The following NALF1 variants were observed in gnomAD, a reference collection of about 807,000 sequenced individuals.
The protein encoded by NALF1 is family with sequence similarity 155 member A.
In NALF1, 3 loss-of-function variants were observed where a neutral mutation model predicts 48.4. The observed-to-expected ratio is 0.06, with a 90% CI of 0.03 to 0.16. The LOEUF (loss-of-function observed/expected upper bound fraction) is 0.16. Among genes scored for constraint, NALF1 ranks in the 10% least tolerant of loss-of-function variants. NALF1 has a pLI of 1.00. For synonymous variants in NALF1, 262 were observed against 245.7 expected, an observed-to-expected ratio of 1.07 and a Z score of -0.62; for missense variants, 526 against 571.5, an observed-to-expected ratio of 0.92 and a Z score of 0.81.
chr13:107,726,309 G>A (rs914861440), intron 1 of NALF1, among the ~76,000 whole-genome samples: 2 of 152,164 alleles, frequency 1.3e-5, no homozygotes, highest in Non-Finnish European at 2.9e-5. Context: ...ACAAGATGAA[G>A]TGGGACTTAC....
chr13:107,640,518 T>C (rs1330037384), intron 1 of NALF1, among the ~76,000 whole-genome samples: 2 of 152,190 alleles, frequency 1.3e-5, no homozygotes, highest in Non-Finnish European at 2.9e-5. Flanking sequence ...AACCTTTAAT[T>C]TCACATCAGT....
intron 1 of NALF1, among the ~76,000 whole-genome samples, chr13:107,390,477 C>T (rs953912116): frequency 3.3e-5 from 5 of 151,900 alleles, no homozygotes; most frequent in Non-Finnish European, 4.4e-5. Flanking sequence ...TATCTTAAAA[C>T]ATAAATAAGA....
At chr13:107,310,409 CAAAAAAA>C (rs397955378) in intron 1 of NALF1, among the ~76,000 whole-genome samples, 1 of 80,054 alleles carries the variant, frequency 1.2e-5, no homozygotes, top group Non-Finnish European at 2.8e-5. Flanking sequence ...GATTCCATCT[CAAAAAAA>C]AAAAAAAAAG....
rs1221262995 is a variant in NALF1, at chr13:107,490,615, A to T, written c.916-279860T>A. Among the ~76,000 whole-genome samples, 3 of 152,146 alleles carry T rather than the reference A, an allele frequency of 2.0e-5. No homozygotes were observed. In the East Asian group the frequency reaches 5.8e-4, roughly 29 times the overall value. ...TCAGGAAAAATAACTAATGGGTACG[A>T]GGCTTAATACCTGGGTGATGAAATA... On this transcript the variant is annotated intron_variant, in intron 1 of 2. Coordinates refer to ENST00000375915, the MANE Select transcript of NALF1 (RefSeq NM_001080396.3).
rs1422127993 is a variant in NALF1 at position 107,169,387 on chromosome 13, G to A, written c.*1110C>T. ...GTGTCTCTTCCACAACAATAAGGGAGGAAAAGAAGTCCAGATATGTGTCCG... is the reference window on the plus strand; with the variant it reads ...GTGTCTCTTCCACAACAATAAGGGAAGAAAAGAAGTCCAGATATGTGTCCG... On this transcript the variant is annotated 3_prime_UTR_variant, in exon 3 of 3. Coordinates refer to ENST00000375915, the MANE Select transcript of NALF1 (RefSeq NM_001080396.3). 6.8e-6 allele frequency: 1 copy of A among 147,210 alleles called. No individual in the cohort carries two copies. Among genetic ancestry groups the A allele is most frequent in the African/African-American group, 2.6e-5 (1 of 39,076 alleles). The allele number at this position is 147,210 out of a possible 1,614,324, so 9.1% of individuals were successfully genotyped here.
rs756252821 is a variant in NALF1, at chr13:107,375,632, T to G, written c.916-164877A>C. ...AGGAAATTGACTTAAGCTTTGATTT[T>G]GAATTATCAGTTTAATTTCTAATAA... On this transcript the variant is annotated intron_variant, in intron 1 of 2. Transcript: ENST00000375915. 2.0e-4 allele frequency among the ~76,000 whole-genome samples: 31 copies of G among 152,152 alleles called. 1 individual carries two copies. Among genetic ancestry groups the G allele is most frequent in the Admixed American group, 3.9e-4 (6 of 15,278 alleles).
intron 1 of NALF1, among the ~76,000 whole-genome samples, chr13:107,661,643 T>C (rs1880737717): frequency 1.3e-5 from 2 of 151,694 alleles, no homozygotes; most frequent in African/African-American, 4.9e-5. Flanking sequence ...CATTACATAA[T>C]GTTCTGTGAA....
chr13:107,761,079 G>A (rs758305663), intron 1 of NALF1, among the ~76,000 whole-genome samples: 3 of 152,140 alleles, frequency 2.0e-5, no homozygotes, highest in Non-Finnish European at 2.9e-5. Flanking sequence ...CCGGCCAGGC[G>A]CGGTGGCTGA....
chr13:107,565,049 C>A (rs1278869649), intron 1 of NALF1, among the ~76,000 whole-genome samples: 2 of 32,208 alleles, frequency 6.2e-5, no homozygotes, highest in Admixed American at 9.5e-4. Context: ...AAGTAGGAAA[C>A]AAGGGGTGAT....
rs1474539847 is a variant in NALF1 at position 107,596,621 on chromosome 13, C to T, written c.915+269061G>A. On this transcript the variant is annotated intron_variant, in intron 1 of 2. Transcript: ENST00000375915. Reference sequence around the variant, plus strand: ...TCACTCATAAGTGGGAGTTGAACAACGAGAACACATGGATACAGGGAGAGG... The same window carrying T: ...TCACTCATAAGTGGGAGTTGAACAATGAGAACACATGGATACAGGGAGAGG... Among the ~76,000 whole-genome samples the T allele has an allele frequency of 2.0e-5, 3 of 151,660 alleles. No individual in the cohort carries two copies. The South Asian group carries it at 6.2e-4, about 32-fold the overall frequency.
chr13:107,261,256 T>G (rs557804478), intron 1 of NALF1, among the ~76,000 whole-genome samples: 1 of 152,196 alleles, frequency 6.6e-6, no homozygotes, highest in African/African-American at 2.4e-5. Flanking sequence ...TCTCTCATTT[T>G]ACCTTCCCTC....
intron 1 of NALF1, among the ~76,000 whole-genome samples, chr13:107,447,137 G>A (rs757767679): frequency 5.3e-5 from 8 of 152,220 alleles, no homozygotes; most frequent in Admixed American, 1.3e-4. Context: ...AAGGCCGGAG[G>A]GGCCAGCAGC....
intron 1 of NALF1, among the ~76,000 whole-genome samples, chr13:107,368,151 A>C (rs1033280717): frequency 2.0e-5 from 3 of 152,158 alleles, no homozygotes; most frequent in African/African-American, 7.2e-5. Context: ...TGCATCTAGG[A>C]AACAAAGGGT....
intron 1 of NALF1, among the ~76,000 whole-genome samples, chr13:107,504,585 T>C (rs1243074367): frequency 6.6e-6 from 1 of 152,206 alleles, no homozygotes; most frequent in Non-Finnish European, 1.5e-5. Flanking sequence ...TTCGTTTCCA[T>C]GTTGTTTGTA....
intron 1 of NALF1, among the ~76,000 whole-genome samples, chr13:107,534,256 T>G (rs905492023): frequency 1.3e-5 from 2 of 152,086 alleles, no homozygotes; most frequent in Non-Finnish European, 2.9e-5. Flanking sequence ...GCCACAAACA[T>G]GTTTACTTCA....
intron 1 of NALF1, among the ~76,000 whole-genome samples, chr13:107,795,352 T>G (rs896424883): frequency 6.6e-6 from 1 of 152,054 alleles, no homozygotes; most frequent in Non-Finnish European, 1.5e-5. Flanking sequence ...TTACAAAGCC[T>G]CATCATTCAC....
intron 1 of NALF1, among the ~76,000 whole-genome samples, chr13:107,369,466 G>C (rs879383219): frequency 6.6e-6 from 1 of 151,986 alleles, no homozygotes; most frequent in African/African-American, 2.4e-5. Context: ...ATATATAAAA[G>C]TCACTAAAAT....
intron 1 of NALF1, among the ~76,000 whole-genome samples, chr13:107,467,755 T>C (rs1304967674): frequency 3.3e-5 from 5 of 152,070 alleles, no homozygotes; most frequent in Non-Finnish European, 7.4e-5. Flanking sequence ...ATTCAAGAAG[T>C]ATTGGCCGGG....
At chr13:107,580,239 T>C (rs545135037) in intron 1 of NALF1, among the ~76,000 whole-genome samples, 5 of 152,308 alleles carry the variant, frequency 3.3e-5, no homozygotes, top group Admixed American at 6.5e-5. Context: ...TAGGTGGGAA[T>C]TGAACAATGA....
Sources: allele counts gnomAD v4.1 joint callset (sites outside exome capture counted in the v4.1 genomes callset), GRCh38; gene constraint gnomAD v4.1.1; transcripts MANE v1.5; gene names NCBI Gene and HGNC (gene_info 2026-07-23, HGNC 2026-07-21).